RNF157: variants seen among roughly 807,000 people sequenced by gnomAD.
RNF157 encodes ring finger protein 157.
RNF157 carries 55 observed loss-of-function variants against 88.3 expected under a neutral mutation model. The ratio of observed to expected loss-of-function variants is 0.62; its 90% CI spans 0.50 to 0.78. The LOEUF is 0.78. RNF157 is among the 30% of genes least tolerant of loss of function. The probability of loss-of-function intolerance (pLI) is 0.00; values close to 1 mark genes in which losing one functional copy is unlikely to be tolerated. For missense variants in RNF157, 788 were observed against 860.8 expected, an observed-to-expected ratio of 0.92 and a Z score of 1.06; for synonymous variants, 334 against 341.2, an observed-to-expected ratio of 0.98 and a Z score of 0.23.
chr17:76,225,527 T>C (rs1568075928), intron 1 of RNF157, among the ~76,000 whole-genome samples: 1 of 152,214 alleles, frequency 6.6e-6, no homozygotes, highest in East Asian at 1.9e-4. Context: ...GAATGGACTA[T>C]TTGAATGCAC....
At chr17:76,202,126 T>TCA (rs1174829610) in intron 2 of RNF157, among the ~76,000 whole-genome samples, 58 of 137,790 alleles carry the variant, frequency 4.2e-4, no homozygotes, top group African/African-American at 1.0e-3. Context: ...TCTCTCTCTC[T>TCA]CTCACACACA....
rs544465939 is a variant in RNF157, at chr17:76,205,175, G to A, written c.207+7189C>T. The stretch of plus-strand genomic sequence containing the variant: ...TTTTTTTTTGACAGGGTCATGCTCT[G>A]TAGCCCAGGCTAGAGTGCAGTAGCA... On this transcript the variant is annotated intron_variant, in intron 2 of 18. Transcript: ENST00000269391. Among the ~76,000 whole-genome samples, 7 of 141,366 alleles carry A rather than the reference G, an allele frequency of 5.0e-5. No individual in the cohort carries two copies. The East Asian group carries it at 1.0e-3, about 20-fold the overall frequency. 92.7% of individuals were successfully genotyped at this position (141,366 alleles called of 152,430 possible). A position where few individuals can be genotyped will look rare whatever the true frequency, so the allele number is the denominator to read the frequency against.
intron 2 of RNF157, among the ~76,000 whole-genome samples, chr17:76,187,454 G>A (rs2069312355): frequency 6.6e-6 from 1 of 152,062 alleles, no homozygotes; most frequent in South Asian, 2.1e-4. Flanking sequence ...AAAGTGCTGG[G>A]ATTACAGGCA....
chr17:76,165,530 C>T lies in RNF157; in HGVS notation c.644G>A (p.Cys215Tyr). The T allele has an allele frequency of 6.2e-7, 1 of 1,614,220 alleles. No homozygotes were observed. Among genetic ancestry groups the T allele is most frequent in the Admixed American group, 1.7e-5 (1 of 60,028 alleles). ...VDEGDEYFGH[C>Y]HVLLGTFEKH... ...CTCAAAAGTACCCAGCAGTACATGG[C>T]AATGGCCAAAATACTCTGAAAGAAA... The change falls in exon 7 of 19, where the codon TGC becomes TAC. Residue 215 changes from cysteine to tyrosine, a missense_variant. Cys to Tyr is a radical substitution (Grantham distance 194). Coordinates refer to ENST00000269391, the MANE Select transcript of RNF157 (RefSeq NM_052916.3).
At chr17:76,168,747 G>A (rs2068967412) in intron 3 of RNF157, among the ~76,000 whole-genome samples, 1 of 152,150 alleles carries the variant, frequency 6.6e-6, no homozygotes, top group African/African-American at 2.4e-5. Flanking sequence ...TCATATCGGT[G>A]GAGCACGTGT....
chr17:76,173,722 C>G lies in RNF157; in HGVS notation c.276G>C (p.Lys92Asn), dbSNP rs142446632. 1 of 1,609,494 alleles carries G rather than the reference C, an allele frequency of 6.2e-7. No individual in the cohort carries two copies. The highest frequency in any genetic ancestry group is 1.1e-5 in the South Asian group (1 of 90,274). Residue 92 changes from lysine to asparagine, a missense_variant, in exon 3 of 19, where the codon AAG becomes AAC. By Grantham distance (94) the Lys-to-Asn change is moderately conservative. Transcript: ENST00000269391. ...KTLRSLVNIR[K>N]DTLRLVKCAE... ...CTTACTTGACGAGCCTCAGTGTGTCCTTTCGGATATTGACCAGGCTTCTCA... is the reference window on the plus strand; with the variant it reads ...CTTACTTGACGAGCCTCAGTGTGTCGTTTCGGATATTGACCAGGCTTCTCA...
At chr17:76,204,020 G>C (rs2069635417) in intron 2 of RNF157, among the ~76,000 whole-genome samples, 1 of 152,104 alleles carries the variant, frequency 6.6e-6, no homozygotes, top group Non-Finnish European at 1.5e-5. Context: ...GCCCTCCTCA[G>C]CCTCCCAAAG....
chr17:76,201,685 G>A (rs942263801), intron 2 of RNF157, among the ~76,000 whole-genome samples: 3 of 151,766 alleles, frequency 2.0e-5, no homozygotes, highest in African/African-American at 4.8e-5. Flanking sequence ...ATTTTTATCC[G>A]AAATGAAATC....
At position 76,145,196 on chromosome 17, in the gene RNF157, T is replaced by C. The variant is rs2068565635; in HGVS notation, c.*39A>G. On this transcript the variant is annotated 3_prime_UTR_variant, in exon 19 of 19. Coordinates refer to ENST00000269391, the MANE Select transcript of RNF157 (RefSeq NM_052916.3). ...AGCAGCTGAGTGAGGATGGATGGAA[T>C]GCAGGGCAGGAGGGGAGCCCAAGTG... 5.2e-6 allele frequency: 7 copies of C among 1,354,630 alleles called. No individual in the cohort carries two copies. The highest frequency in any genetic ancestry group is 7.3e-6 in the Non-Finnish European group (7 of 953,426). 83.9% of individuals were successfully genotyped at this position (1,354,630 alleles called of 1,614,324 possible). A position where few individuals can be genotyped will look rare whatever the true frequency, so the allele number is the denominator to read the frequency against.
intron 2 of RNF157, among the ~76,000 whole-genome samples, chr17:76,193,988 T>C (rs978960139): frequency 8.5e-5 from 13 of 152,184 alleles, no homozygotes; most frequent in African/African-American, 2.9e-4. Context: ...CTGGACTACA[T>C]GGGAACCAGG....
intron 1 of RNF157, among the ~76,000 whole-genome samples, chr17:76,216,633 G>A (rs930509131): frequency 6.6e-6 from 1 of 152,004 alleles, no homozygotes; most frequent in African/African-American, 2.4e-5. Flanking sequence ...TCAGTCAGTA[G>A]AGTATTATGA....
chr17:76,233,580 C>T (rs527640704), intron 1 of RNF157, among the ~76,000 whole-genome samples: 1 of 152,218 alleles, frequency 6.6e-6, no homozygotes, highest in East Asian at 1.9e-4. Context: ...ATCTGTCACC[C>T]AGGCTGAAGC....
At chr17:76,184,577 C>T (rs1598411886) in intron 2 of RNF157, among the ~76,000 whole-genome samples, 1 of 152,160 alleles carries the variant, frequency 6.6e-6, no homozygotes. Flanking sequence ...ACTGATGTGC[C>T]TGCTGTAGAT....
At position 76,146,491 on chromosome 17, in the gene RNF157, C is replaced by T. The variant is rs1015848291; in HGVS notation, c.1922-1138G>A. On this transcript the variant is annotated intron_variant, in intron 18 of 18. Transcript: ENST00000269391. This position sits in a 1 kb window ranked among gnomAD's most constrained non-coding sequence, Gnocchi z 4.2. Reference sequence around the variant, plus strand: ...GCTAGGGCGCTCCTGCCTTGGGCCTCGGCTGCCTCCACTCTCAGGGTCCCC... The same window carrying T: ...GCTAGGGCGCTCCTGCCTTGGGCCTTGGCTGCCTCCACTCTCAGGGTCCCC... 105 of 985,440 alleles carry T rather than the reference C, an allele frequency of 1.1e-4. No individual in the cohort carries two copies. The African/African-American group carries it at 1.2e-3, about 12-fold the overall frequency. 61.0% of individuals were successfully genotyped at this position (985,440 alleles called of 1,614,324 possible).
At chr17:76,166,653 C>A in intron 5 of RNF157, 126 bp from the exon 6 acceptor site, 2 of 792,826 alleles carry the variant, frequency 2.5e-6, no homozygotes, top group Admixed American at 2.5e-5. Flanking sequence ...ATTCTTTAGC[C>A]TTGTTAATTA....
intron 8 of RNF157, chr17:76,163,865 T>G (rs991030236): frequency 3.3e-5 from 5 of 152,228 alleles, no homozygotes; most frequent in Admixed American, 3.3e-4. Flanking sequence ...AGGATCTGTT[T>G]CCTCCTCTGC....
chr17:76,223,042 C>A (rs2070014445), intron 1 of RNF157, among the ~76,000 whole-genome samples: 1 of 152,066 alleles, frequency 6.6e-6, no homozygotes, highest in Non-Finnish European at 1.5e-5. Flanking sequence ...AGGCGCCCGC[C>A]ACCATGCCTG....
At chr17:76,231,545 G>C (rs2145078798) in intron 1 of RNF157, among the ~76,000 whole-genome samples, 1 of 152,122 alleles carries the variant, frequency 6.6e-6, no homozygotes, top group East Asian at 1.9e-4. Flanking sequence ...TGATCTTCTG[G>C]CCTTGGCCTC....
chr17:76,176,182 G>C lies in RNF157; in HGVS notation c.208-2392C>G, dbSNP rs567439101. ...AAGAAGATAAGGCCCTGCTCTTTCA[G>C]GAAGCTGCATTATAAGGCAGCTGAC... On this transcript the variant is annotated intron_variant, in intron 2 of 18. Transcript: ENST00000269391. The surrounding 1 kb of genome is among the most constrained non-coding windows in gnomAD (Gnocchi z 4.2). Among the ~76,000 whole-genome samples, 1 of 152,272 alleles carries C rather than the reference G, an allele frequency of 6.6e-6. No individual in the cohort carries two copies. The highest frequency in any genetic ancestry group is 2.1e-4 in the South Asian group (1 of 4,820).
Sources: allele counts gnomAD v4.1 joint callset (sites outside exome capture counted in the v4.1 genomes callset), GRCh38; gene constraint gnomAD v4.1.1; non-coding constraint Gnocchi (gnomAD v3.1); transcripts MANE v1.5; gene names NCBI Gene and HGNC (gene_info 2026-07-23, HGNC 2026-07-21).